FREM2: variants seen among roughly 807,000 people sequenced by gnomAD.
FREM2 encodes FRAS1-related extracellular matrix protein 2.
Under a neutral mutation model 219.9 loss-of-function variants are expected in FREM2, and 119 were observed. The observed-to-expected ratio is 0.54, with a 90% confidence interval of 0.47 to 0.63. FREM2 has a LOEUF of 0.63. Ranked by LOEUF, FREM2 falls within the 30% of genes least tolerant of loss-of-function variation. FREM2 has a pLI of 0.00. For synonymous variants in FREM2, 1,562 were observed against 1,522.8 expected (o/e 1.03, Z -0.60); for missense variants, 4,030 against 3,993.6 (o/e 1.01, Z -0.25).
intron 6 of FREM2, among the ~76,000 whole-genome samples, chr13:38,807,250 T>A (rs1875283804): frequency 7.2e-6 from 1 of 138,644 alleles, no homozygotes; most frequent in African/African-American, 2.6e-5. Context: ...TTTTGTTTTG[T>A]TTTTTGCAGA....
intron 3 of FREM2, among the ~76,000 whole-genome samples, chr13:38,767,270 GA>G (rs1476337510): frequency 6.6e-6 from 1 of 152,160 alleles, no homozygotes; most frequent in Non-Finnish European, 1.5e-5. Flanking sequence ...TATGTCAGAG[GA>G]AAAGATCCAA....
At chr13:38,779,164 G>T (rs1013251048) in intron 4 of FREM2, among the ~76,000 whole-genome samples, 10 of 151,952 alleles carry the variant, frequency 6.6e-5, no homozygotes, top group African/African-American at 2.2e-4. Context: ...ACTCATAAGT[G>T]GGAGTTAGAC....
chr13:38,740,166 G>A (rs1206950933), intron 2 of FREM2, among the ~76,000 whole-genome samples: 1 of 152,126 alleles, frequency 6.6e-6, no homozygotes, highest in Non-Finnish European at 1.5e-5. Flanking sequence ...TTCTCAATAT[G>A]TTTTTATATT....
chr13:38,709,401 T>C (rs983073970), intron 2 of FREM2, among the ~76,000 whole-genome samples: 1 of 152,184 alleles, frequency 6.6e-6, no homozygotes, highest in African/African-American at 2.4e-5. Context: ...TAAATCATTA[T>C]GCCAATTGTA....
At position 38,878,913 on chromosome 13, in the gene FREM2, C is replaced by T; in HGVS notation, c.8942C>T (p.Ala2981Val). 3.7e-6 allele frequency: 6 copies of T among 1,614,088 alleles called. No individual in the cohort carries two copies. The highest frequency in any genetic ancestry group is 5.1e-6 in the Non-Finnish European group (6 of 1,179,932). Residue 2981 changes from alanine to valine, a missense_variant, in exon 23 of 24, where the codon GCC (alanine) becomes GTC (valine). Transcript: ENST00000280481. ...NAKLAVDDPE[A>V]ILLVNQPGSD... The stretch of plus-strand genomic sequence containing the variant: ...AAACTAGCAGTGGATGACCCTGAAG[C>T]CATTCTCTTAGTGAATCAGCCTGGA...
intron 4 of FREM2, among the ~76,000 whole-genome samples, chr13:38,774,835 A>G (rs548433626): frequency 1.3e-3 from 193 of 152,304 alleles, no homozygotes; most frequent in African/African-American, 4.1e-3. Flanking sequence ...TAGTACAGGT[A>G]CCTAAAGCCT....
chr13:38,838,917 T>G (rs1876828193), intron 6 of FREM2, among the ~76,000 whole-genome samples: 1 of 152,186 alleles, frequency 6.6e-6, no homozygotes. Flanking sequence ...CTCCTTTATC[T>G]CGGAGGAGTT....
intron 11 of FREM2, among the ~76,000 whole-genome samples, chr13:38,853,688 A>C (rs1877459508): frequency 6.6e-6 from 1 of 152,236 alleles, no homozygotes; most frequent in African/African-American, 2.4e-5. Flanking sequence ...AGAGCTTCAA[A>C]GTTATCCCCA....
chr13:38,885,511 T>C lies in FREM2; in HGVS notation c.*4724T>C, dbSNP rs1878696908. 6.6e-6 allele frequency: 1 copy of C among 152,160 alleles called. No homozygotes were observed. Among genetic ancestry groups the C allele is most frequent in the Non-Finnish European group, 1.5e-5 (1 of 68,002 alleles). The allele number at this position is 152,160 out of a possible 1,614,324, so 9.4% of individuals were successfully genotyped here. On this transcript the variant is annotated 3_prime_UTR_variant, in exon 24 of 24. Coordinates refer to ENST00000280481, the MANE Select transcript of FREM2 (RefSeq NM_207361.6). ...CTTTTGCTTTTTTTCTTTCTTTCTT[T>C]TAATTTGTTGAACTATAGGTTTCTT...
At chr13:38,878,093 T>C in intron 21 of FREM2, 41 bp from the exon 22 acceptor site, 1 of 1,516,272 alleles carries the variant, frequency 6.6e-7, no homozygotes, top group Non-Finnish European at 9.2e-7. Context: ...TGATATACCT[T>C]ATCATATAAC....
chr13:38,769,143 A>C (rs1389960099), intron 3 of FREM2, among the ~76,000 whole-genome samples: 2 of 152,158 alleles, frequency 1.3e-5, no homozygotes, highest in South Asian at 2.1e-4. Flanking sequence ...GAATTCTTTC[A>C]TGGAGGAGTT....
At chr13:38,715,094 A>G (rs1870944342) in intron 2 of FREM2, among the ~76,000 whole-genome samples, 1 of 152,228 alleles carries the variant, frequency 6.6e-6, no homozygotes, top group Non-Finnish European at 1.5e-5. Context: ...CTCTGTCCCA[A>G]GAAATAAATA....
intron 17 of FREM2, among the ~76,000 whole-genome samples, chr13:38,874,065 G>C (rs1258403546): frequency 1.3e-5 from 2 of 152,024 alleles, no homozygotes; most frequent in Non-Finnish European, 2.9e-5. Context: ...TAAATTTCTT[G>C]GGAAAGCTTC....
At chr13:38,836,416 G>A (rs535854451) in intron 6 of FREM2, among the ~76,000 whole-genome samples, 1 of 152,152 alleles carries the variant, frequency 6.6e-6, no homozygotes, top group African/African-American at 2.4e-5. Flanking sequence ...TTTTTTTGTT[G>A]TGTCTCTGGC....
At chr13:38,714,009 C>G (rs574421690) in intron 2 of FREM2, among the ~76,000 whole-genome samples, 1 of 152,326 alleles carries the variant, frequency 6.6e-6, no homozygotes, top group East Asian at 1.9e-4. Context: ...AATAATGCTA[C>G]TGCTTGGAAA....
chr13:38,824,407 G>A lies in FREM2; in HGVS notation c.6020-22166G>A, dbSNP rs536070133. Among the ~76,000 whole-genome samples, 8 of 152,116 alleles carry A rather than the reference G, an allele frequency of 5.3e-5. No homozygotes were observed. In the South Asian group the frequency reaches 1.7e-3, roughly 32 times the overall value. ...CGTAACAGCCTGATGAGTTATTCTG[G>A]CTCGGTACACAAATAAAGACCGTGG... On this transcript the variant is annotated intron_variant, in intron 6 of 23. Coordinates refer to ENST00000280481, the MANE Select transcript of FREM2 (RefSeq NM_207361.6).
chr13:38,750,917 C>T (rs1399895676), intron 2 of FREM2, among the ~76,000 whole-genome samples: 1 of 152,176 alleles, frequency 6.6e-6, no homozygotes, highest in East Asian at 1.9e-4. Flanking sequence ...TGGTCTTGAA[C>T]TCATGACCTT....
intron 6 of FREM2, among the ~76,000 whole-genome samples, chr13:38,837,914 A>G (rs1174217949): frequency 1.3e-5 from 2 of 151,850 alleles, no homozygotes; most frequent in African/African-American, 4.8e-5. Flanking sequence ...TCTTTATCCA[A>G]TTTGCCAGTC....
chr13:38,846,527 GA>G lies in FREM2; in HGVS notation c.6020-40del, dbSNP rs746213781. ...GAAGCATGTCAATAGAGTTTGATGTGAAAAAATAAAAATAACAGAAATGATT... is the reference window on the plus strand; with the variant it reads ...GAAGCATGTCAATAGAGTTTGATGTGAAAAATAAAAATAACAGAAATGATT... On this transcript the variant is annotated intron_variant, in intron 6 of 23. Transcript: ENST00000280481. The G allele has an allele frequency of 3.6e-5, 57 of 1,600,068 alleles. 1 individual carries two copies. The highest frequency in any genetic ancestry group is 1.8e-4 in the East Asian group (8 of 44,592).
Sources: gnomAD v4.1 joint callset for allele counts (sites outside exome capture counted in the v4.1 genomes callset) on GRCh38, gnomAD v4.1.1 for gene constraint, MANE v1.5 for transcripts, NCBI Gene and HGNC (gene_info 2026-07-23, HGNC 2026-07-21) for gene names.